PPP6R1: variants seen among roughly 807,000 people sequenced by gnomAD.
PPP6R1 encodes the protein serine/threonine-protein phosphatase 6 regulatory subunit 1.
Under a neutral mutation model 104.6 loss-of-function variants are expected in PPP6R1, and 39 were observed. The observed-to-expected ratio is 0.37, with a 90% confidence interval of 0.29 to 0.49. The LOEUF is 0.49. Among genes scored for constraint, PPP6R1 ranks in the 20% least tolerant of loss-of-function variants. The pLI, the probability that PPP6R1 is intolerant of heterozygous loss-of-function variation, is 0.98. For missense variants in PPP6R1, 1,181 were observed against 1,155.8 expected, an observed-to-expected ratio of 1.02 and a Z score of -0.32; for synonymous variants, 549 against 479.0, an observed-to-expected ratio of 1.15 and a Z score of -1.91.
At chr19:55,236,874 C>G (rs369533631) in intron 16 of PPP6R1, 39 bp downstream of exon 16, 48 of 1,610,652 alleles carry the variant, frequency 3.0e-5, no homozygotes, top group Admixed American at 1.5e-4. Context: ...GCCCCACACC[C>G]CTCCACCCGC....
intron 15 of PPP6R1, among the ~76,000 whole-genome samples, chr19:55,237,329 G>C (rs2087409001): frequency 6.6e-6 from 1 of 152,122 alleles, no homozygotes; most frequent in African/African-American, 2.4e-5. Flanking sequence ...CATCCTTGGG[G>C]CATCTGTAGG....
intron 15 of PPP6R1, chr19:55,238,629 G>T (rs368671989): frequency 2.0e-5 from 3 of 152,208 alleles, no homozygotes; most frequent in East Asian, 1.9e-4. Context: ...CAAGTAGCTG[G>T]GACTACACGC....
chr19:55,243,216 C>A (rs2087474942), intron 5 of PPP6R1, among the ~76,000 whole-genome samples: 1 of 151,904 alleles, frequency 6.6e-6, no homozygotes, highest in African/African-American at 2.4e-5. Flanking sequence ...AGTTTGAGAC[C>A]AGCCTGGCCA....
chr19:55,239,823 C>A lies in PPP6R1; in HGVS notation c.1563+3G>T. The A allele has an allele frequency of 1.2e-6, 2 of 1,613,646 alleles. No individual in the cohort carries two copies. The highest frequency in any genetic ancestry group is 1.7e-6 in the Non-Finnish European group (2 of 1,179,648). ...GAGTGCAGGAAGAGAAGCTGGGCCTCACCAGGTCCACCATGTTCTTCTTGT... is the reference window on the plus strand; with the variant it reads ...GAGTGCAGGAAGAGAAGCTGGGCCTAACCAGGTCCACCATGTTCTTCTTGT... On this transcript the variant is annotated splice_donor_region_variant and intron_variant, in intron 13 of 23. Transcript: ENST00000412770.
chr19:55,239,509 G>A lies in PPP6R1; in HGVS notation c.1654-7C>T, dbSNP rs1308041154. 2.5e-6 allele frequency: 4 copies of A among 1,613,788 alleles called. No individual in the cohort carries two copies. Among genetic ancestry groups the A allele is most frequent in the South Asian group, 1.1e-5 (1 of 91,034 alleles). ...TCTGGAAGTCCATGAAGGCCTGTGG[G>A]GGTGCGGAGGTTAGGGCTGGAGGGA... On this transcript the variant is annotated splice_region_variant and splice_polypyrimidine_tract_variant and intron_variant, in intron 14 of 23. Coordinates refer to ENST00000412770, the MANE Select transcript of PPP6R1 (RefSeq NM_014931.4).
In PPP6R1 at chr19:55,236,460, A is replaced by G. The variant is rs534147452; in HGVS notation, c.1988+183T>C. 4.3e-5 allele frequency: 29 copies of G among 671,716 alleles called. No homozygotes were observed. The African/African-American group carries it at 4.7e-4, about 11-fold the overall frequency. The allele number at this position is 671,716 out of a possible 1,614,324, so 41.6% of individuals were successfully genotyped here. ...CACTCAGGGATTACATGAGCCCACC[A>G]TGCTTGGCCTTGAATTAGATTTCTA... On this transcript the variant is annotated intron_variant, in intron 17 of 23. Transcript: ENST00000412770.
At chr19:55,244,038 A>C (rs2087483984) in intron 5 of PPP6R1, among the ~76,000 whole-genome samples, 1 of 152,208 alleles carries the variant, frequency 6.6e-6, no homozygotes, top group South Asian at 2.1e-4. Flanking sequence ...GGTGAGTGGT[A>C]TGCTGTGCAA....
intron 1 of PPP6R1, among the ~76,000 whole-genome samples, chr19:55,250,165 C>T (rs910792163): frequency 5.9e-5 from 9 of 152,202 alleles, no homozygotes; most frequent in Non-Finnish European, 1.2e-4. Flanking sequence ...TCAGCCACTG[C>T]GCTCCAGCAC....
At position 55,245,166 on chromosome 19, in the gene PPP6R1, A is replaced by G. The variant is rs369837656; in HGVS notation, c.572T>C (p.Ile191Thr). 23 of 1,613,314 alleles carry G rather than the reference A, an allele frequency of 1.4e-5. No individual in the cohort carries two copies. The Admixed American group carries it at 3.0e-4, about 21-fold the overall frequency. Residue 191 changes from isoleucine (I) to threonine (T), a missense_variant, in exon 5 of 24, where the codon ATC becomes ACC. Physicochemically the swap from Ile to Thr is moderately conservative, Grantham distance 89. Transcript: ENST00000412770. The surrounding 1 kb of genome is among the most constrained non-coding windows in gnomAD (Gnocchi z 6.4). ...DVVNWLNEEK[I>T]VQRLIEQIHP... The stretch of plus-strand genomic sequence containing the variant: ...GATCTGCTCAATCAGCCGCTGGACG[A>G]TCTTCTCCTCGTTGAGCCACTGAGG...
In PPP6R1 at chr19:55,241,564, C is replaced by A; in HGVS notation, c.921G>T (p.Leu307=). Reference sequence around the variant, plus strand: ...CGCCCACACTGGACACAGTGCTTTCCAGGGCCCCCTGGGCCAGGAGCTCCA... The same window carrying A: ...CGCCCACACTGGACACAGTGCTTTCAAGGGCCCCCTGGGCCAGGAGCTCCA... The part of the protein sequence containing the change: ...GQLELLAQGA[L]ESTVSSVGAL... The change falls in exon 8 of 24, where the codon CTG becomes CTT. Residue 307 remains leucine (L), a synonymous_variant. Coordinates refer to ENST00000412770, the MANE Select transcript of PPP6R1 (RefSeq NM_014931.4). This position sits in a 1 kb window ranked among gnomAD's most constrained non-coding sequence, Gnocchi z 5.4. 1 of 1,582,378 alleles carries A rather than the reference C, an allele frequency of 6.3e-7. No homozygotes were observed. Among genetic ancestry groups the A allele is most frequent in the East Asian group, 2.3e-5 (1 of 42,714 alleles).
chr19:55,257,801 G>A (rs2087605030), intron 1 of PPP6R1, among the ~76,000 whole-genome samples: 1 of 152,246 alleles, frequency 6.6e-6, no homozygotes, highest in Admixed American at 6.5e-5. Flanking sequence ...GCCTAGGGCT[G>A]ATGCCCCCTC....
downstream of PPP6R1, chr19:55,228,688 C>T: frequency 6.2e-7 from 1 of 1,612,722 alleles, no homozygotes. Context: ...AGAAGGCTCT[C>T]ACCTGGGCTG....
At chr19:55,249,912 A>G (rs149016333) in intron 1 of PPP6R1, among the ~76,000 whole-genome samples, 4 of 151,926 alleles carry the variant, frequency 2.6e-5, no homozygotes, top group Non-Finnish European at 5.9e-5. Flanking sequence ...CACTCCACCA[A>G]GCCTGCATCC....
At chr19:55,247,920 T>A (rs984312103) in intron 1 of PPP6R1, among the ~76,000 whole-genome samples, 2 of 152,152 alleles carry the variant, frequency 1.3e-5, no homozygotes, top group South Asian at 2.1e-4. Flanking sequence ...AGAACAAAGC[T>A]GGCAACACCC....
At position 55,240,310 on chromosome 19, in the gene PPP6R1, A is replaced by G; in HGVS notation, c.1297-10T>C. 4 of 1,585,060 alleles carry G rather than the reference A, an allele frequency of 2.5e-6. No individual in the cohort carries two copies. Among genetic ancestry groups the G allele is most frequent in the Non-Finnish European group, 1.7e-6 (2 of 1,166,618 alleles). On this transcript the variant is annotated splice_polypyrimidine_tract_variant and intron_variant, in intron 10 of 23. Transcript: ENST00000412770. ...GGCACTGCTGCAGCAGCTGCGGGAG[A>G]GCGGGACAGGATGGCCTGGAGGGGT...
Position 55,245,241 on chromosome 19 carries a change from C to A in PPP6R1, c.552+24G>T. On this transcript the variant is annotated intron_variant, in intron 4 of 23. Coordinates refer to ENST00000412770, the MANE Select transcript of PPP6R1 (RefSeq NM_014931.4). This position sits in a 1 kb window ranked among gnomAD's most constrained non-coding sequence, Gnocchi z 6.4. ...TGTCCACCACGCCCAGCCCCCCACC[C>A]CCAGAGGAGCCGGCCCTGCTCACAT... The A allele has an allele frequency of 6.3e-7, 1 of 1,599,294 alleles. No individual in the cohort carries two copies. The highest frequency in any genetic ancestry group is 8.5e-7 in the Non-Finnish European group (1 of 1,173,232).
intron 21 of PPP6R1, 118 bp from the exon 22 acceptor site, chr19:55,231,002 G>A (rs751648816): frequency 2.1e-5 from 18 of 860,894 alleles, no homozygotes; most frequent in African/African-American, 8.3e-5. Flanking sequence ...CCTGCCCCAC[G>A]GGGAGGGGCC....
chr19:55,230,653 TG>T lies in PPP6R1; in HGVS notation c.2601del (p.Asn868MetfsTer50). 6.2e-7 allele frequency: 1 copy of T among 1,608,810 alleles called. No individual in the cohort carries two copies. The highest frequency in any genetic ancestry group is 1.1e-5 in the South Asian group (1 of 90,394). ...SAQALTPPPI[P>X]NGSAPEGPAS... is the part of the protein sequence containing the mutation. ...GCAGGCCCTTCCGGGGCAGAGCCAT[TG>T]GGTATCGGAGGAGGCGTGAGGGCCT... On this transcript the variant is annotated frameshift_variant, in exon 23 of 24. Coordinates refer to ENST00000412770, the MANE Select transcript of PPP6R1 (RefSeq NM_014931.4). LOFTEE classifies it high-confidence loss of function.
At chr19:55,243,404 CAA>C (rs58375899) in intron 5 of PPP6R1, among the ~76,000 whole-genome samples, 15 of 49,116 alleles carry the variant, frequency 3.1e-4, no homozygotes, top group African/African-American at 3.5e-4. Flanking sequence ...GACTCCATCT[CAA>C]AAAAAAAAAA....
Sources: allele counts gnomAD v4.1 joint callset (sites outside exome capture counted in the v4.1 genomes callset), GRCh38; gene constraint gnomAD v4.1.1; non-coding constraint Gnocchi (gnomAD v3.1); transcripts MANE v1.5; gene names NCBI Gene and HGNC (gene_info 2026-07-23, HGNC 2026-07-21).